MEGF9: variants seen among roughly 807,000 people sequenced by gnomAD.
The protein encoded by MEGF9 is multiple EGF like domains 9.
Under a neutral mutation model 46.8 loss-of-function variants are expected in MEGF9, and 6 were observed. The observed-to-expected ratio is 0.13, with a 90% confidence interval of 0.07 to 0.25. The LOEUF is 0.25. Among genes scored for constraint, MEGF9 ranks in the 10% least tolerant of loss-of-function variants. The pLI, the probability that MEGF9 is intolerant of heterozygous loss-of-function variation, is 1.00. For synonymous variants in MEGF9, 302 were observed against 330.7 expected, an observed-to-expected ratio of 0.91 and a Z score of 0.94; for missense variants, 683 against 792.4, an observed-to-expected ratio of 0.86 and a Z score of 1.66.
At chr9:120,693,791 T>G (rs1466758944) in intron 1 of MEGF9, among the ~76,000 whole-genome samples, 2 of 152,218 alleles carry the variant, frequency 1.3e-5, no homozygotes, top group Non-Finnish European at 2.9e-5. Context: ...CTAAAATGAC[T>G]GTTAGTTTGG....
rs10616 is a variant in MEGF9, at chr9:120,601,255, T to C, written c.*3935A>G. On this transcript the variant is annotated 3_prime_UTR_variant, in exon 6 of 6. Coordinates refer to ENST00000373930, the MANE Select transcript of MEGF9 (RefSeq NM_001080497.3). ...TTACTTTCTAGGGCTGCTGCTGCAG[T>C]AACAAGTAACAATTCCTACCCACAT... 90,189 of 152,102 alleles carry C rather than the reference T, an allele frequency of 0.59. 29,061 individuals are homozygous for C. The highest frequency in any genetic ancestry group is 0.75 in the South Asian group (3,598 of 4,824). 9.4% of individuals were successfully genotyped at this position (152,102 alleles called of 1,614,324 possible).
intron 1 of MEGF9, among the ~76,000 whole-genome samples, chr9:120,700,815 C>T (rs1016270502): frequency 5.3e-5 from 8 of 151,982 alleles, no homozygotes; most frequent in Admixed American, 3.9e-4. Flanking sequence ...GGCACGGTGG[C>T]TCACGCCTGT....
At position 120,608,019 on chromosome 9, in the gene MEGF9, G is replaced by A; in HGVS notation, c.1088-9C>T. 1 of 1,613,126 alleles carries A rather than the reference G, an allele frequency of 6.2e-7. No individual in the cohort carries two copies. The highest frequency in any genetic ancestry group is 8.5e-7 in the Non-Finnish European group (1 of 1,179,096). ...TTCCAATTCACTCGATTCTAAAAGA[G>A]AGAATGCCAAAATAGTTTAGTACAG... On this transcript the variant is annotated splice_polypyrimidine_tract_variant and intron_variant, in intron 4 of 5. Transcript: ENST00000373930.
intron 1 of MEGF9, among the ~76,000 whole-genome samples, chr9:120,670,456 A>T (rs527324606): frequency 5.7e-4 from 87 of 152,332 alleles, no homozygotes; most frequent in African/African-American, 2.1e-3. Flanking sequence ...GAGCATTGTT[A>T]GAGAAAGTTA....
chr9:120,702,971 C>T (rs1360083333), intron 1 of MEGF9, among the ~76,000 whole-genome samples: 1 of 152,240 alleles, frequency 6.6e-6, no homozygotes, highest in African/African-American at 2.4e-5. Flanking sequence ...ATCTTACAGA[C>T]AAGTGCTCAG....
At chr9:120,616,174 AAC>A (rs1397780958) in intron 3 of MEGF9, among the ~76,000 whole-genome samples, 1 of 152,050 alleles carries the variant, frequency 6.6e-6, no homozygotes, top group East Asian at 1.9e-4. Context: ...ATTGTAAAAT[AAC>A]ACACTGTAAA....
chr9:120,697,083 CCTTT>C (rs1416131859), intron 1 of MEGF9, among the ~76,000 whole-genome samples: 2 of 152,174 alleles, frequency 1.3e-5, no homozygotes, highest in South Asian at 2.1e-4. Context: ...TACTCTATGA[CCTTT>C]CTTTCTTTTT....
chr9:120,612,290 C>T, intron 4 of MEGF9, 106 bp downstream of exon 4: 1 of 1,071,582 alleles, frequency 9.3e-7, no homozygotes, highest in Non-Finnish European at 1.3e-6. Context: ...TTTTATAACT[C>T]CCTTTCACCT....
At position 120,640,981 on chromosome 9, in the gene MEGF9, A is replaced by G. The variant is rs139639496; in HGVS notation, c.804-18226T>C. Among the ~76,000 whole-genome samples the G allele has an allele frequency of 9.6e-3, 1,463 of 151,906 alleles. 10 individuals carry two copies. The highest frequency in any genetic ancestry group is 0.016 in the Non-Finnish European group (1,096 of 67,994). On this transcript the variant is annotated intron_variant, in intron 2 of 5. Coordinates refer to ENST00000373930, the MANE Select transcript of MEGF9 (RefSeq NM_001080497.3). ...GTATTTGGTTTTCTGTTCCTGCATT[A>G]ACTTGCCGAGGATAATGGCCTCCAT... is the stretch of plus-strand genomic sequence containing the variant.
At chr9:120,675,206 C>T (rs57088664) in intron 1 of MEGF9, among the ~76,000 whole-genome samples, 2,411 of 152,266 alleles carry the variant, frequency 0.016, 62 homozygotes, top group African/African-American at 0.055. Flanking sequence ...AAATGTCCTT[C>T]GACTGGTGAA....
intron 1 of MEGF9, among the ~76,000 whole-genome samples, chr9:120,708,417 T>C (rs2043938446): frequency 6.6e-6 from 1 of 152,130 alleles, no homozygotes; most frequent in Non-Finnish European, 1.5e-5. Flanking sequence ...CCATCTGTAA[T>C]ATTTTGTTTA....
chr9:120,712,152 G>A (rs1294896048), intron 1 of MEGF9, among the ~76,000 whole-genome samples: 1 of 152,156 alleles, frequency 6.6e-6, no homozygotes, highest in Non-Finnish European at 1.5e-5. Context: ...CAGCTGCTCA[G>A]GAAGCTGAGG....
Position 120,605,167 on chromosome 9 carries a change from C to CA in MEGF9, c.*22dup. 6.3e-6 allele frequency: 10 copies of CA among 1,585,316 alleles called. No individual in the cohort carries two copies. Among genetic ancestry groups the CA allele is most frequent in the Middle Eastern group, 1.7e-4 (1 of 5,766 alleles). ...TGTCTTAGCAAGCACTGTGGTTTAA[C>CA]AATTCAGAACAGTTCTAGCTCCTTA... is the stretch of plus-strand genomic sequence containing the variant. On this transcript the variant is annotated 3_prime_UTR_variant, in exon 6 of 6. Transcript: ENST00000373930. This position sits in a 1 kb window ranked among gnomAD's most constrained non-coding sequence, Gnocchi z 4.0.
At chr9:120,676,972 C>T (rs2043775852) in intron 1 of MEGF9, among the ~76,000 whole-genome samples, 1 of 152,188 alleles carries the variant, frequency 6.6e-6, no homozygotes, top group African/African-American at 2.4e-5. Flanking sequence ...CATTCACATC[C>T]AGGTTTATCT....
At chr9:120,634,346 C>G (rs1047908388) in intron 2 of MEGF9, among the ~76,000 whole-genome samples, 1 of 150,574 alleles carries the variant, frequency 6.6e-6, no homozygotes. Flanking sequence ...ATATAATGAC[C>G]TTTTTTGTCT....
rs1335612147 is a variant in MEGF9 at position 120,605,413 on chromosome 9, A to G, written c.1586T>C (p.Met529Thr). Residue 529 changes from methionine (M) to threonine (T), a missense_variant, in exon 6 of 6, where the codon ATG becomes ACG. Physicochemically the swap from Met to Thr is moderately conservative, Grantham distance 81 (BLOSUM62 -1). Transcript: ENST00000373930. The surrounding 1 kb of genome is among the most constrained non-coding windows in gnomAD (Gnocchi z 4.0). The stretch of plus-strand genomic sequence containing the variant: ...CATATATACAGCCCCCACAAATCCC[A>G]TTAGCAGCACCACAACAATGATGAT... ...TVIIIVVVLL[M>T]GFVGAVYMYR... 1.2e-6 allele frequency: 2 copies of G among 1,613,918 alleles called. No individual in the cohort carries two copies. The highest frequency in any genetic ancestry group is 1.7e-6 in the Non-Finnish European group (2 of 1,179,900).
intron 5 of MEGF9, 124 bp downstream of exon 5, chr9:120,607,617 C>A (rs1366051754): frequency 3.8e-6 from 4 of 1,049,744 alleles, no homozygotes; most frequent in Non-Finnish European, 5.6e-6. Flanking sequence ...CCTCTTTAGG[C>A]AAATATCTAT....
At chr9:120,665,155 C>T (rs73540316) in intron 1 of MEGF9, among the ~76,000 whole-genome samples, 8,607 of 152,090 alleles carry the variant, frequency 0.057, 808 homozygotes, top group African/African-American at 0.2. Context: ...AACCAATCTC[C>T]TCCCATCCTT....
chr9:120,635,366 C>T (rs144412612), intron 2 of MEGF9, among the ~76,000 whole-genome samples: 247 of 152,308 alleles, frequency 1.6e-3, no homozygotes, highest in African/African-American at 5.0e-3. Flanking sequence ...TTTCTCCACA[C>T]GCTTGGGAAT....
Sources: gnomAD v4.1 joint callset for allele counts (sites outside exome capture counted in the v4.1 genomes callset) on GRCh38, gnomAD v4.1.1 for gene constraint, Gnocchi (gnomAD v3.1) non-coding constraint, MANE v1.5 for transcripts, NCBI Gene and HGNC (gene_info 2026-07-23, HGNC 2026-07-21) for gene names.